TRIM55: variants seen among roughly 807,000 people sequenced by gnomAD.
The protein encoded by TRIM55 is tripartite motif-containing protein 55.
In TRIM55, 50 loss-of-function variants were observed where a neutral mutation model predicts 60.9. That is an observed-to-expected ratio of 0.82 (90% confidence interval 0.65 to 1.04). TRIM55 has a LOEUF of 1.04. Among genes scored for constraint, TRIM55 ranks in the 50% least tolerant of loss-of-function variants. The pLI is 0.00. For synonymous variants in TRIM55, 237 were observed against 238.1 expected, an observed-to-expected ratio of 1.00 and a Z score of 0.04; for missense variants, 681 against 666.9, an observed-to-expected ratio of 1.02 and a Z score of -0.23.
At chr8:66,165,039 A>G (rs1811250942) in intron 9 of TRIM55, among the ~76,000 whole-genome samples, 1 of 152,118 alleles carries the variant, frequency 6.6e-6, no homozygotes, top group Admixed American at 6.6e-5. Flanking sequence ...GGGCTAGCAA[A>G]GCCTCTTTTC....
chr8:66,164,649 A>G (rs1229114993), intron 9 of TRIM55, among the ~76,000 whole-genome samples: 1 of 152,156 alleles, frequency 6.6e-6, no homozygotes, highest in Admixed American at 6.5e-5. Context: ...TCTCAGAGAC[A>G]GCCTCAGGAA....
intron 4 of TRIM55, among the ~76,000 whole-genome samples, chr8:66,145,109 G>C (rs1327055889): frequency 1.3e-5 from 2 of 152,072 alleles, no homozygotes; most frequent in Non-Finnish European, 2.9e-5. Flanking sequence ...ATTGTTCCCT[G>C]ACTTTCACAG....
At chr8:66,132,451 T>C (rs545880273) in intron 2 of TRIM55, among the ~76,000 whole-genome samples, 11 of 152,056 alleles carry the variant, frequency 7.2e-5, no homozygotes, top group African/African-American at 2.4e-4. Flanking sequence ...AAACTCCATC[T>C]CAAAAAAAAT....
intron 9 of TRIM55, among the ~76,000 whole-genome samples, chr8:66,165,389 T>C (rs1478182546): frequency 1.3e-5 from 2 of 152,080 alleles, no homozygotes; most frequent in Non-Finnish European, 2.9e-5. Context: ...GCTGCTTTTC[T>C]GAGGAAGATT....
At chr8:66,146,109 A>T (rs1810081123) in intron 4 of TRIM55, among the ~76,000 whole-genome samples, 1 of 152,216 alleles carries the variant, frequency 6.6e-6, no homozygotes, top group Non-Finnish European at 1.5e-5. Context: ...TTGTACCTAA[A>T]TTTAATAGAC....
chr8:66,118,094 G>A, the TRIM55 span, among the ~76,000 whole-genome samples: 7 of 148,498 alleles, frequency 4.7e-5, no homozygotes, highest in Non-Finnish European at 7.4e-5. Context: ...GCGTGAACCC[G>A]GGAGGCGGAG....
chr8:66,114,753 G>A, the TRIM55 span: 1 of 389,194 alleles, frequency 2.6e-6, no homozygotes, highest in East Asian at 7.2e-5. Context: ...AGGTGGATAG[G>A]ACAAGGCAAA....
At chr8:66,130,483 C>T (rs1809075295) in intron 2 of TRIM55, among the ~76,000 whole-genome samples, 1 of 148,306 alleles carries the variant, frequency 6.7e-6, no homozygotes, top group Non-Finnish European at 1.5e-5. Context: ...TCTTGAGCCT[C>T]AGGGTACATT....
chr8:66,144,384 T>C (rs569846686), intron 4 of TRIM55, among the ~76,000 whole-genome samples: 2 of 152,318 alleles, frequency 1.3e-5, no homozygotes, highest in South Asian at 4.1e-4. Flanking sequence ...TTATTTTCAT[T>C]AAAATATTAT....
chr8:66,174,441 T>G (rs1586274481), intron 9 of TRIM55, 30 bp from the exon 10 acceptor site: 1 of 1,605,136 alleles, frequency 6.2e-7, no homozygotes, highest in Non-Finnish European at 8.5e-7. Flanking sequence ...AACCTCTTTT[T>G]TCTCTGATTC....
chr8:66,139,171 C>T (rs1027396246), intron 4 of TRIM55, among the ~76,000 whole-genome samples: 4 of 152,102 alleles, frequency 2.6e-5, no homozygotes, highest in African/African-American at 9.7e-5. Flanking sequence ...GTCATAACAC[C>T]GTGAATCAGC....
At chr8:66,151,976 T>G (rs1179214992) in intron 7 of TRIM55, among the ~76,000 whole-genome samples, 2 of 152,134 alleles carry the variant, frequency 1.3e-5, no homozygotes, top group African/African-American at 2.4e-5. Flanking sequence ...AAAAGGGCTT[T>G]GTATGTTTTC....
In TRIM55 at chr8:66,137,119, A is replaced by G. The variant is rs763298747; in HGVS notation, c.532A>G (p.Ile178Val). 22 of 1,614,172 alleles carry G rather than the reference A, an allele frequency of 1.4e-5. No individual in the cohort carries two copies. The highest frequency in any genetic ancestry group is 1.6e-5 in the Non-Finnish European group (19 of 1,180,016). The part of the protein sequence containing the change: ...QKSELSDGIA[I>V]LVGSNDRVQG... ...GTCTGAGCTCAGTGATGGCATCGCC[A>G]TCCTCGTGGGCAGCAACGATCGAGT... The change falls in exon 4 of 10, where the codon ATC (isoleucine) becomes GTC (valine). Residue 178 changes from isoleucine (I) to valine (V), a missense_variant. By Grantham distance (29) the Ile-to-Val change is conservative. Coordinates refer to ENST00000315962, the MANE Select transcript of TRIM55 (RefSeq NM_184085.2).
At chr8:66,148,379 G>A (rs983917550) in intron 4 of TRIM55, among the ~76,000 whole-genome samples, 2 of 152,238 alleles carry the variant, frequency 1.3e-5, no homozygotes, top group African/African-American at 4.8e-5. Context: ...CCCATTCTTA[G>A]GCAGTATTGG....
At chr8:66,173,634 T>C (rs531077403) in intron 9 of TRIM55, among the ~76,000 whole-genome samples, 1 of 152,316 alleles carries the variant, frequency 6.6e-6, no homozygotes, top group African/African-American at 2.4e-5. Context: ...GGAAGGACGG[T>C]GTTTGTCATG....
chr8:66,164,908 G>A (rs1312959124), intron 9 of TRIM55, among the ~76,000 whole-genome samples: 2 of 151,048 alleles, frequency 1.3e-5, no homozygotes, highest in Non-Finnish European at 2.9e-5. Context: ...AAAATGGAAG[G>A]GAAAGGAAAA....
At chr8:66,148,751 A>G (rs1436057383) in intron 4 of TRIM55, among the ~76,000 whole-genome samples, 1 of 152,164 alleles carries the variant, frequency 6.6e-6, no homozygotes, top group Non-Finnish European at 1.5e-5. Context: ...GTCATCATAG[A>G]AAAAAACATG....
At chr8:66,121,597 C>T in the TRIM55 span, among the ~76,000 whole-genome samples, 1 of 152,236 alleles carries the variant, frequency 6.6e-6, no homozygotes, top group Non-Finnish European at 1.5e-5. Context: ...GTCGCTGAGT[C>T]TCAGCCAATC....
intron 4 of TRIM55, among the ~76,000 whole-genome samples, chr8:66,145,964 G>A (rs552376592): frequency 1.3e-5 from 2 of 152,270 alleles, no homozygotes; most frequent in African/African-American, 2.4e-5. Flanking sequence ...ATAAATGGTC[G>A]GATGGCCTTG....
Sources: gnomAD v4.1 joint callset for allele counts (sites outside exome capture counted in the v4.1 genomes callset) on GRCh38, gnomAD v4.1.1 for gene constraint, MANE v1.5 for transcripts, NCBI Gene and HGNC (gene_info 2026-07-23, HGNC 2026-07-21) for gene names.